ATP8A2: variants seen among roughly 807,000 people sequenced by gnomAD.
ATP8A2 encodes the protein ATPase phospholipid transporting 8A2, also known as phospholipid-transporting ATPase IB.
Under a neutral mutation model 165.6 loss-of-function variants are expected in ATP8A2, and 100 were observed. That is an observed-to-expected ratio of 0.60 (90% CI 0.51 to 0.71). The LOEUF (loss-of-function observed/expected upper bound fraction) is 0.71, where lower values mean the gene tolerates loss of function less well. ATP8A2 is among the 30% of genes least tolerant of loss of function. ATP8A2 has a pLI of 0.00. For missense variants in ATP8A2, 1,227 were observed against 1,479.5 expected, an observed-to-expected ratio of 0.83 and a Z score of 2.80; for synonymous variants, 543 against 548.8, an observed-to-expected ratio of 0.99 and a Z score of 0.15.
At chr13:25,873,331 A>G (rs1952729858) in intron 33 of ATP8A2, among the ~76,000 whole-genome samples, 1 of 151,568 alleles carries the variant, frequency 6.6e-6, no homozygotes. Context: ...GATCTGACTC[A>G]AGTCATTTTT....
intron 2 of ATP8A2, among the ~76,000 whole-genome samples, chr13:25,482,713 A>G (rs1049579298): frequency 6.6e-6 from 1 of 152,186 alleles, no homozygotes; most frequent in Non-Finnish European, 1.5e-5. Flanking sequence ...GGTTTCCCCC[A>G]TACTATTCTC....
chr13:25,692,210 C>A (rs1034859982), intron 24 of ATP8A2, among the ~76,000 whole-genome samples: 1 of 152,198 alleles, frequency 6.6e-6, no homozygotes, highest in African/African-American at 2.4e-5. Context: ...ATTAGCTACT[C>A]ACTAGCCCAA....
intron 25 of ATP8A2, among the ~76,000 whole-genome samples, chr13:25,756,266 G>C (rs2138220751): frequency 6.6e-6 from 1 of 151,716 alleles, no homozygotes; most frequent in African/African-American, 2.4e-5. Flanking sequence ...GATGGCAATG[G>C]CGGTGTCCCC....
chr13:25,776,560 A>G (rs530243227), intron 27 of ATP8A2, among the ~76,000 whole-genome samples: 1 of 152,216 alleles, frequency 6.6e-6, no homozygotes, highest in Admixed American at 6.5e-5. Flanking sequence ...TGGTGTAAGA[A>G]CTTTAGTGGT....
chr13:25,833,868 A>G (rs1951540319), intron 28 of ATP8A2, among the ~76,000 whole-genome samples: 1 of 152,218 alleles, frequency 6.6e-6, no homozygotes, highest in Non-Finnish European at 1.5e-5. Flanking sequence ...TAAAAAACCA[A>G]TAGACAAAGA....
rs1957061157 is a variant in ATP8A2 at position 26,020,121 on chromosome 13, G to A, written c.*136G>A. The A allele has an allele frequency of 1.3e-5, 9 of 669,846 alleles. No homozygotes were observed. The Admixed American group carries it at 2.3e-4, about 17-fold the overall frequency. The allele number at this position is 669,846 out of a possible 1,614,324, so 41.5% of individuals were successfully genotyped here. ...ACATTTCTGTGGCCTTAGCCAAGCA[G>A]TTTGTTAGTTACATATTCCCTCGCA... is the stretch of plus-strand genomic sequence containing the variant. On this transcript the variant is annotated 3_prime_UTR_variant, in exon 37 of 37. Coordinates refer to ENST00000381655, the MANE Select transcript of ATP8A2 (RefSeq NM_016529.6).
intron 33 of ATP8A2, among the ~76,000 whole-genome samples, chr13:25,956,479 GACAA>G (rs1955525021): frequency 1.3e-5 from 2 of 152,242 alleles, no homozygotes; most frequent in Admixed American, 6.5e-5. Flanking sequence ...ACCCATAACA[GACAA>G]ACAGAGAACC....
intron 27 of ATP8A2, among the ~76,000 whole-genome samples, chr13:25,799,974 T>C (rs1391870336): frequency 6.6e-6 from 1 of 152,250 alleles, no homozygotes; most frequent in African/African-American, 2.4e-5. Context: ...GGTGGTTCCA[T>C]ATATTCTACC....
intron 25 of ATP8A2, among the ~76,000 whole-genome samples, chr13:25,753,736 T>C (rs754650836): frequency 1.3e-5 from 2 of 152,200 alleles, no homozygotes; most frequent in African/African-American, 2.4e-5. Context: ...TGTTGCTCCC[T>C]GATTGTGGAA....
intron 24 of ATP8A2, among the ~76,000 whole-genome samples, chr13:25,602,065 A>G (rs1311677336): frequency 6.6e-6 from 1 of 152,154 alleles, no homozygotes; most frequent in Admixed American, 6.5e-5. Context: ...TGGTAAGATT[A>G]CTTTGTAATT....
intron 33 of ATP8A2, among the ~76,000 whole-genome samples, chr13:25,925,797 G>A (rs1490529085): frequency 2.0e-5 from 3 of 150,916 alleles, no homozygotes; most frequent in Admixed American, 6.6e-5. Context: ...GCATGATCTC[G>A]GCTCACTGCA....
chr13:25,842,762 G>A (rs1363798978), intron 30 of ATP8A2, among the ~76,000 whole-genome samples: 4 of 151,654 alleles, frequency 2.6e-5, no homozygotes, highest in Non-Finnish European at 5.9e-5. Context: ...AAGGAAGGTT[G>A]GAAGGAAAGA....
At chr13:25,866,269 A>C (rs1952506833) in intron 33 of ATP8A2, among the ~76,000 whole-genome samples, 1 of 152,208 alleles carries the variant, frequency 6.6e-6, no homozygotes, top group African/African-American at 2.4e-5. Context: ...AAATCATTTT[A>C]CTTGCATTAA....
intron 24 of ATP8A2, among the ~76,000 whole-genome samples, chr13:25,642,761 C>G (rs889720662): frequency 6.6e-6 from 1 of 152,172 alleles, no homozygotes; most frequent in African/African-American, 2.4e-5. Flanking sequence ...GACACATGCA[C>G]ACGTATGTTT....
At chr13:25,956,093 C>T (rs1465747366) in intron 33 of ATP8A2, among the ~76,000 whole-genome samples, 1 of 152,176 alleles carries the variant, frequency 6.6e-6, no homozygotes, top group East Asian at 1.9e-4. Context: ...GCTAAAAACT[C>T]TCAATAAACT....
intron 2 of ATP8A2, among the ~76,000 whole-genome samples, chr13:25,492,271 T>G (rs1813130): frequency 0.055 from 8,321 of 152,120 alleles, 746 homozygotes; most frequent in African/African-American, 0.18. Context: ...GGCCAGGCTG[T>G]TCTTGAACTC....
chr13:25,859,739 A>C (rs1433346800), intron 30 of ATP8A2, among the ~76,000 whole-genome samples: 1 of 152,202 alleles, frequency 6.6e-6, no homozygotes, highest in Non-Finnish European at 1.5e-5. Context: ...AAGTTCAGTC[A>C]TGATGAATTG....
chr13:25,970,485 G>A (rs1052038142), intron 35 of ATP8A2, among the ~76,000 whole-genome samples: 1 of 152,232 alleles, frequency 6.6e-6, no homozygotes, highest in Non-Finnish European at 1.5e-5. Context: ...TGTGTGCAGG[G>A]ACCAACCACC....
At chr13:25,983,503 A>G (rs1381968270) in intron 35 of ATP8A2, among the ~76,000 whole-genome samples, 1 of 152,204 alleles carries the variant, frequency 6.6e-6, no homozygotes, top group Non-Finnish European at 1.5e-5. Flanking sequence ...AGTTTTTAAA[A>G]ATGCCTGTGA....
Sources: gnomAD v4.1 joint callset for allele counts (sites outside exome capture counted in the v4.1 genomes callset) on GRCh38, gnomAD v4.1.1 for gene constraint, MANE v1.5 for transcripts, NCBI Gene and HGNC (gene_info 2026-07-23, HGNC 2026-07-21) for gene names.